The following MSRB3 variants were observed in gnomAD, a reference collection of about 807,000 sequenced individuals.
MSRB3 encodes methionine-R-sulfoxide reductase B3.
Under a neutral mutation model 21.0 loss-of-function variants are expected in MSRB3, and 13 were observed. The observed-to-expected ratio is 0.62, with a 90% CI of 0.40 to 0.98. The LOEUF (loss-of-function observed/expected upper bound fraction) is 0.98. MSRB3 is among the 50% of genes least tolerant of loss of function. The pLI is 0.00. For synonymous variants in MSRB3, 87 were observed against 88.6 expected (o/e 0.98, Z 0.10); for missense variants, 199 against 230.3 (o/e 0.86, Z 0.88).
chr12:65,315,909 C>T (rs1182493610), intron 2 of MSRB3: 1 of 152,092 alleles, frequency 6.6e-6, no homozygotes, highest in Non-Finnish European at 1.5e-5. Context: ...AATTCAGAAT[C>T]CTGTAACTAT....
At chr12:65,301,787 C>T (rs1291265868) in intron 1 of MSRB3, among the ~76,000 whole-genome samples, 3 of 152,184 alleles carry the variant, frequency 2.0e-5, no homozygotes, top group African/African-American at 7.2e-5. Context: ...TACTCCTCCA[C>T]TTTCCAGCTA....
At position 65,465,103 on chromosome 12, in the gene MSRB3, T is replaced by C. The variant is rs964419439; in HGVS notation, c.*1781T>C. ...GCAGAGAGGAGGCTGACTTAGCTGA[T>C]TGGTATGGAAACAGTTGGGCCAAGA... On this transcript the variant is annotated 3_prime_UTR_variant, in exon 7 of 7. Transcript: ENST00000308259. 2 of 152,206 alleles carry C rather than the reference T, an allele frequency of 1.3e-5. No homozygotes were observed. The highest frequency in any genetic ancestry group is 2.9e-5 in the Non-Finnish European group (2 of 68,032). 9.4% of individuals were successfully genotyped at this position (152,206 alleles called of 1,614,324 possible).
intron 5 of MSRB3, among the ~76,000 whole-genome samples, chr12:65,405,000 G>A (rs539351138): frequency 3.4e-4 from 52 of 151,568 alleles, no homozygotes; most frequent in African/African-American, 7.3e-4. Flanking sequence ...CTGTTGCCCA[G>A]GCTGGAGTGC....
chr12:65,426,355 G>T (rs1034533361), intron 5 of MSRB3, among the ~76,000 whole-genome samples: 30 of 151,928 alleles, frequency 2.0e-4, no homozygotes, highest in African/African-American at 6.8e-4. Flanking sequence ...TCCTCCCCCT[G>T]CACTTATATC....
chr12:65,302,213 T>TA (rs1873376708), intron 1 of MSRB3, among the ~76,000 whole-genome samples: 1 of 152,084 alleles, frequency 6.6e-6, no homozygotes, highest in African/African-American at 2.4e-5. Context: ...TTGGGGAGTG[T>TA]AAGGAATCCT....
intron 4 of MSRB3, among the ~76,000 whole-genome samples, chr12:65,363,928 T>C (rs77334147): frequency 4.6e-5 from 7 of 152,048 alleles, no homozygotes; most frequent in East Asian, 1.9e-4. Context: ...GGAGGTTGCA[T>C]TGAGCTCATA....
At chr12:65,346,270 T>C (rs1407238369) in intron 4 of MSRB3, among the ~76,000 whole-genome samples, 1 of 152,244 alleles carries the variant, frequency 6.6e-6, no homozygotes, top group East Asian at 1.9e-4. Context: ...TTTTAATGAT[T>C]GCCATTCTAA....
At chr12:65,339,095 AT>A (rs1454280536) in intron 4 of MSRB3, among the ~76,000 whole-genome samples, 2 of 152,170 alleles carry the variant, frequency 1.3e-5, no homozygotes, top group African/African-American at 4.8e-5. Context: ...AAAAATAAAA[AT>A]AAAAAGATTC....
intron 5 of MSRB3, among the ~76,000 whole-genome samples, chr12:65,439,440 A>G (rs967078365): frequency 2.6e-5 from 4 of 151,722 alleles, no homozygotes; most frequent in African/African-American, 9.7e-5. Context: ...TAATAGATGA[A>G]GTATCTTTCA....
rs191492229 is a variant in MSRB3 at position 65,420,862 on chromosome 12, A to G, written c.293-32866A>G. Among the ~76,000 whole-genome samples the G allele has an allele frequency of 1.1e-4, 17 of 152,302 alleles. No homozygotes were observed. In the South Asian group the frequency reaches 1.7e-3, roughly 15 times the overall value. ...ATATGTGCCGCATTTTCTTTATCCAATCTACCAATGATGGGCATTTAGGCT... is the reference window on the plus strand; with the variant it reads ...ATATGTGCCGCATTTTCTTTATCCAGTCTACCAATGATGGGCATTTAGGCT... On this transcript the variant is annotated intron_variant, in intron 5 of 6. Coordinates refer to ENST00000308259, the MANE Select transcript of MSRB3 (RefSeq NM_001031679.3).
chr12:65,374,074 A>G (rs980208844), intron 5 of MSRB3, among the ~76,000 whole-genome samples: 1 of 152,204 alleles, frequency 6.6e-6, no homozygotes, highest in Admixed American at 6.5e-5. Context: ...TAACATAGTA[A>G]ACTTTCCTCA....
intron 1 of MSRB3, among the ~76,000 whole-genome samples, chr12:65,287,020 CAAAAAAAAAA>C (rs35236078): frequency 1.2e-4 from 7 of 57,156 alleles, no homozygotes; most frequent in Non-Finnish European, 2.0e-4. Context: ...GACCCTTTCT[CAAAAAAAAAA>C]AAAAAAAAAA....
At chr12:65,357,717 G>A (rs536851369) in intron 4 of MSRB3, among the ~76,000 whole-genome samples, 86 of 152,006 alleles carry the variant, frequency 5.7e-4, no homozygotes, top group African/African-American at 1.9e-3. Context: ...GTCATGATCA[G>A]GCATTTTGCA....
chr12:65,463,023 A>G (rs892571765), intron 6 of MSRB3, 132 bp from the exon 7 acceptor site: 26 of 1,133,884 alleles, frequency 2.3e-5, no homozygotes, highest in Admixed American at 1.8e-5. Context: ...TGACAGGCGG[A>G]TTAGAAATCA....
intron 4 of MSRB3, among the ~76,000 whole-genome samples, chr12:65,368,041 C>A (rs1565858405): frequency 6.6e-6 from 1 of 152,042 alleles, no homozygotes; most frequent in Admixed American, 6.5e-5. Context: ...CCCTTTCCTC[C>A]TTTGATGACT....
chr12:65,351,181 T>C (rs1000602409), intron 4 of MSRB3, among the ~76,000 whole-genome samples: 5 of 151,628 alleles, frequency 3.3e-5, no homozygotes, highest in Non-Finnish European at 4.4e-5. Flanking sequence ...CTCAACTACA[T>C]GGAAACTGAA....
At chr12:65,388,818 G>A (rs11175742) in intron 5 of MSRB3, among the ~76,000 whole-genome samples, 59,163 of 151,928 alleles carry the variant, frequency 0.39, 11,935 homozygotes, top group South Asian at 0.57. Context: ...GCTGCAGTGC[G>A]CCATGATCGT....
chr12:65,329,642 C>T lies in MSRB3; in HGVS notation c.263+1039C>T, dbSNP rs540666137. Among the ~76,000 whole-genome samples, 8 of 144,854 alleles carry T rather than the reference C, an allele frequency of 5.5e-5. No individual in the cohort carries two copies. In the South Asian group the frequency reaches 1.3e-3, roughly 24 times the overall value. ...AAGCCTGGGCGACAGAGTAAGATTC[C>T]GTCTCAAAAAAAAAAAAAAAGTAAA... On this transcript the variant is annotated intron_variant, in intron 4 of 6. Coordinates refer to ENST00000308259, the MANE Select transcript of MSRB3 (RefSeq NM_001031679.3).
chr12:65,385,034 T>C (rs1247285366), intron 5 of MSRB3, among the ~76,000 whole-genome samples: 1 of 152,160 alleles, frequency 6.6e-6, no homozygotes, highest in East Asian at 1.9e-4. Context: ...CATATTTACC[T>C]AGAGGAAGTC....
Sources: allele counts gnomAD v4.1 joint callset (sites outside exome capture counted in the v4.1 genomes callset), GRCh38; gene constraint gnomAD v4.1.1; transcripts MANE v1.5; gene names NCBI Gene and HGNC (gene_info 2026-07-23, HGNC 2026-07-21).